Variants in WWC2 observed in about 807,000 individuals in gnomAD.
WWC2 encodes the protein WW and C2 domain containing 2, also known as protein WWC2.
A neutral mutation model predicts 138.5 loss-of-function variants in WWC2; 101 were observed. The ratio of observed to expected loss-of-function variants is 0.73; its 90% confidence interval spans 0.62 to 0.86. WWC2 has a LOEUF of 0.86. Ranked by LOEUF, WWC2 falls within the 40% of genes least tolerant of loss-of-function variation. The pLI is 0.00. For missense variants in WWC2, 1,420 were observed against 1,419.4 expected (o/e 1.00, Z -0.01); for synonymous variants, 558 against 538.4 (o/e 1.04, Z -0.50).
chr4:183,240,812 A>G (rs1422185655), intron 5 of WWC2, among the ~76,000 whole-genome samples: 2 of 152,130 alleles, frequency 1.3e-5, no homozygotes. Flanking sequence ...TGGTTCCTCT[A>G]CCTTTCCCGT....
chr4:183,123,375 G>C (rs1349344531), intron 1 of WWC2, among the ~76,000 whole-genome samples: 2 of 150,550 alleles, frequency 1.3e-5, no homozygotes, highest in Non-Finnish European at 2.9e-5. Flanking sequence ...CTCAGTGACA[G>C]TGTTTAGAGA....
intron 1 of WWC2, among the ~76,000 whole-genome samples, chr4:183,109,904 A>T (rs944741679): frequency 1.3e-5 from 2 of 152,154 alleles, no homozygotes; most frequent in African/African-American, 4.8e-5. Context: ...TAGTTTCCCA[A>T]ACTGGTTCTT....
chr4:183,272,785 A>G (rs1737730749), intron 16 of WWC2, among the ~76,000 whole-genome samples: 1 of 152,190 alleles, frequency 6.6e-6, no homozygotes, highest in Non-Finnish European at 1.5e-5. Context: ...CAGTATTAAT[A>G]TTTTATTCCT....
At chr4:183,154,292 T>A (rs1225977456) in intron 1 of WWC2, among the ~76,000 whole-genome samples, 1 of 152,188 alleles carries the variant, frequency 6.6e-6, no homozygotes, top group African/African-American at 2.4e-5. Flanking sequence ...AGTTTCCTTA[T>A]CTGTACAGTA....
intron 7 of WWC2, among the ~76,000 whole-genome samples, chr4:183,249,149 T>G (rs2111332163): frequency 6.6e-6 from 1 of 152,338 alleles, no homozygotes; most frequent in East Asian, 1.9e-4. Context: ...TTTAACTTTT[T>G]CCTATTACGT....
chr4:183,311,672 C>T (rs1258809018), intron 21 of WWC2, among the ~76,000 whole-genome samples: 1 of 151,166 alleles, frequency 6.6e-6, no homozygotes, highest in African/African-American at 2.4e-5. Context: ...CTCCACCTCC[C>T]AGGTTCAAGC....
rs374581981 is a variant in WWC2 at position 183,157,689 on chromosome 4, G to C, written c.132-35910G>C. ...CTAATTTTTTGTATTTTTTAGTAAAGAAGGGGTTTCACCGTGTTAGCCAGG... is the reference window on the plus strand; with the variant it reads ...CTAATTTTTTGTATTTTTTAGTAAACAAGGGGTTTCACCGTGTTAGCCAGG... On this transcript the variant is annotated intron_variant, in intron 1 of 22. Coordinates refer to ENST00000403733, the MANE Select transcript of WWC2 (RefSeq NM_024949.6). Among the ~76,000 whole-genome samples the C allele has an allele frequency of 4.6e-5, 7 of 152,194 alleles. No individual in the cohort carries two copies. In the East Asian group the frequency reaches 1.4e-3, roughly 29 times the overall value.
In WWC2 at chr4:183,173,603, T is replaced by A. The variant is rs560276938; in HGVS notation, c.132-19996T>A. ...TTCCCTGCCTCCATCTGACTTGTTT[T>A]GACCAGTGGATTGCAAGCAGAAGTG... is the stretch of plus-strand genomic sequence containing the variant. On this transcript the variant is annotated intron_variant, in intron 1 of 22. Transcript: ENST00000403733. Among the ~76,000 whole-genome samples, 35 of 151,826 alleles carry A rather than the reference T, an allele frequency of 2.3e-4. No homozygotes were observed. In the South Asian group the frequency reaches 6.3e-3, roughly 27 times the overall value.
intron 1 of WWC2, among the ~76,000 whole-genome samples, chr4:183,127,542 G>T (rs978996684): frequency 6.6e-6 from 1 of 152,136 alleles, no homozygotes; most frequent in African/African-American, 2.4e-5. Context: ...AGATAGGGAG[G>T]ATGAGCAAGT....
intron 1 of WWC2, among the ~76,000 whole-genome samples, chr4:183,190,983 G>C (rs140310124): frequency 3.3e-5 from 5 of 152,030 alleles, no homozygotes; most frequent in South Asian, 2.1e-4. Context: ...TACCGTTCTC[G>C]TGTTTTCTCC....
chr4:183,270,983 C>T (rs1258568975), intron 15 of WWC2, 97 bp from the exon 16 acceptor site: 1 of 1,121,606 alleles, frequency 8.9e-7, no homozygotes, highest in Non-Finnish European at 1.2e-6. Context: ...AAAACAAGCT[C>T]ATTCAATAAT....
intron 1 of WWC2, among the ~76,000 whole-genome samples, chr4:183,149,577 G>A (rs1187599007): frequency 1.3e-5 from 2 of 150,716 alleles, no homozygotes; most frequent in African/African-American, 4.9e-5. Context: ...AGCCAAGATC[G>A]CGCCATTGCA....
intron 1 of WWC2, among the ~76,000 whole-genome samples, chr4:183,130,395 G>A (rs1327776381): frequency 3.9e-5 from 6 of 152,126 alleles, no homozygotes; most frequent in Non-Finnish European, 7.4e-5. Context: ...TGTGTGGCTG[G>A]GTTTTTATGC....
intron 8 of WWC2, among the ~76,000 whole-genome samples, chr4:183,253,512 T>C (rs894433104): frequency 6.6e-6 from 1 of 152,096 alleles, no homozygotes; most frequent in African/African-American, 2.4e-5. Context: ...CTGGGTATGC[T>C]CACTCACATT....
chr4:183,237,917 CTG>C lies in WWC2; in HGVS notation c.523-2264_523-2263del, dbSNP rs1736480757. On this transcript the variant is annotated intron_variant, in intron 4 of 22. Transcript: ENST00000403733. ...CACTACTTCACAGTGTATTTTGTCT[CTG>C]TCTCTAGTAGACATGTGAATAATGA... 3.9e-5 allele frequency among the ~76,000 whole-genome samples: 6 copies of C among 152,074 alleles called. 1 individual carries two copies. The highest frequency in any genetic ancestry group is 3.9e-4 in the Admixed American group (6 of 15,266).
rs1739477020 is a variant in WWC2 at position 183,317,454 on chromosome 4, AG to A, written c.*1726del. ...TGAGTACAGTCCTTTAAGGCTGCCC[AG>A]TTCATTCTATTAGATGACTAAGGAA... On this transcript the variant is annotated 3_prime_UTR_variant, in exon 23 of 23. Transcript: ENST00000403733. 1 of 152,648 alleles carries A rather than the reference AG, an allele frequency of 6.6e-6. No homozygotes were observed. The highest frequency in any genetic ancestry group is 2.4e-5 in the African/African-American group (1 of 41,458). 9.5% of individuals were successfully genotyped at this position (152,648 alleles called of 1,614,324 possible). A position where few individuals can be genotyped will look rare whatever the true frequency, so the allele number is the denominator to read the frequency against.
rs375461292 is a variant in WWC2, at chr4:183,284,372, G to A, written c.3030G>A (p.Arg1010=). ...VRSQTFSPGE[R]NQYICRLNRS... is the part of the protein sequence containing the mutation. ...CACAGACCTTTTCTCCAGGAGAGCG[G>A]AACCAGTACATCTGCAGGGTAAGGT... The change falls in exon 19 of 23, where the codon CGG becomes CGA. Residue 1010 remains arginine, a synonymous_variant. Coordinates refer to ENST00000403733, the MANE Select transcript of WWC2 (RefSeq NM_024949.6). The A allele has an allele frequency of 2.0e-5, 32 of 1,612,820 alleles. No individual in the cohort carries two copies. Among genetic ancestry groups the A allele is most frequent in the Non-Finnish European group, 2.7e-5 (32 of 1,179,806 alleles).
chr4:183,267,912 T>C (rs531568274), intron 14 of WWC2, among the ~76,000 whole-genome samples: 9 of 152,310 alleles, frequency 5.9e-5, no homozygotes, highest in Admixed American at 3.9e-4. Flanking sequence ...TTCTTTTTTT[T>C]CCCAACCTCA....
intron 1 of WWC2, among the ~76,000 whole-genome samples, chr4:183,192,627 G>A (rs80211957): frequency 0.013 from 2,012 of 152,310 alleles, 48 homozygotes; most frequent in African/African-American, 0.044. Flanking sequence ...GATGAATGAT[G>A]TGATTCTGAA....
Sources: allele counts gnomAD v4.1 joint callset (sites outside exome capture counted in the v4.1 genomes callset), GRCh38; gene constraint gnomAD v4.1.1; transcripts MANE v1.5; gene names NCBI Gene and HGNC (gene_info 2026-07-23, HGNC 2026-07-21).